ZNF569: variants seen among roughly 807,000 people sequenced by gnomAD.
ZNF569 encodes DNA-binding protein.
In ZNF569, 38 loss-of-function variants were observed where a neutral mutation model predicts 56.3. The ratio of observed to expected loss-of-function variants is 0.68; its 90% CI spans 0.52 to 0.88. The LOEUF is 0.88. Among genes scored for constraint, ZNF569 ranks in the 40% least tolerant of loss-of-function variants. The probability of loss-of-function intolerance (pLI) is 0.00; values close to 1 mark genes in which losing one functional copy is unlikely to be tolerated. For synonymous variants in ZNF569, 241 were observed against 262.9 expected, an observed-to-expected ratio of 0.92 and a Z score of 0.81; for missense variants, 666 against 809.2, an observed-to-expected ratio of 0.82 and a Z score of 2.15.
rs1015415818 is a variant in ZNF569 at position 37,411,400 on chromosome 19, C to A, written c.*1197G>T. The A allele has an allele frequency of 6.6e-6, 1 of 152,066 alleles. No homozygotes were observed. Among genetic ancestry groups the A allele is most frequent in the African/African-American group, 2.4e-5 (1 of 41,430 alleles). 9.4% of individuals were successfully genotyped at this position (152,066 alleles called of 1,614,324 possible). A position where few individuals can be genotyped will look rare whatever the true frequency, so the allele number is the denominator to read the frequency against. ...ATATAACTATAGGTAGATTTTGTTTCTAAATTCTGTATTTTATCACAGAAA... is the reference window on the plus strand; with the variant it reads ...ATATAACTATAGGTAGATTTTGTTTATAAATTCTGTATTTTATCACAGAAA... On this transcript the variant is annotated 3_prime_UTR_variant, in exon 6 of 6. Transcript: ENST00000316950.
upstream of ZNF569, chr19:37,467,691 G>C (rs1179939522): frequency 6.4e-6 from 4 of 622,754 alleles, no homozygotes; most frequent in Non-Finnish European, 1.1e-5. Flanking sequence ...TCCTGACAGC[G>C]GCTAGAAGAG....
intron 2 of ZNF569, among the ~76,000 whole-genome samples, chr19:37,463,050 C>T (rs1230367636): frequency 6.6e-6 from 1 of 152,212 alleles, no homozygotes; most frequent in African/African-American, 2.4e-5. Context: ...TAATGACACA[C>T]CCATTCAAGT....
At chr19:37,451,544 T>G (rs1339238822) in intron 2 of ZNF569, among the ~76,000 whole-genome samples, 1 of 152,132 alleles carries the variant, frequency 6.6e-6, no homozygotes, top group Non-Finnish European at 1.5e-5. Context: ...TAAAGTCTCC[T>G]ATTATATTGT....
chr19:37,430,011 G>T (rs1399435963), intron 3 of ZNF569, among the ~76,000 whole-genome samples: 2 of 152,152 alleles, frequency 1.3e-5, no homozygotes, highest in Non-Finnish European at 1.5e-5. Context: ...TGGGCAAGAT[G>T]ATGAGACCCT....
At chr19:37,458,852 G>T (rs2041714533) in intron 2 of ZNF569, among the ~76,000 whole-genome samples, 1 of 152,158 alleles carries the variant, frequency 6.6e-6, no homozygotes, top group South Asian at 2.1e-4. Flanking sequence ...CAAAAGAAAT[G>T]CTAGAAATCA....
At chr19:37,456,840 C>T (rs535622197) in intron 2 of ZNF569, among the ~76,000 whole-genome samples, 1 of 151,668 alleles carries the variant, frequency 6.6e-6, no homozygotes, top group Non-Finnish European at 1.5e-5. Flanking sequence ...TGGTGGCAGG[C>T]GCCTGTAATC....
At chr19:37,454,692 G>C (rs2041645570) in intron 2 of ZNF569, 1 of 589,848 alleles carries the variant, frequency 1.7e-6, no homozygotes, top group Non-Finnish European at 3.0e-6. Flanking sequence ...GTGCCTGTTG[G>C]GATTCCCAGA....
chr19:37,452,750 T>C (rs2041615153), intron 2 of ZNF569, among the ~76,000 whole-genome samples: 1 of 152,234 alleles, frequency 6.6e-6, no homozygotes, highest in Non-Finnish European at 1.5e-5. Flanking sequence ...CAAAATTCTG[T>C]GTTTGACTTT....
At chr19:37,468,017 C>A, upstream of ZNF569, 1 of 1,295,566 alleles carries the variant, frequency 7.7e-7, no homozygotes. Flanking sequence ...ACAGACTTGG[C>A]CTTACTAGCT....
At chr19:37,429,782 G>A (rs934721443) in intron 3 of ZNF569, among the ~76,000 whole-genome samples, 5 of 152,192 alleles carry the variant, frequency 3.3e-5, no homozygotes, top group African/African-American at 1.2e-4. Flanking sequence ...TGGCCTGGCT[G>A]AGACTTTCTC....
At chr19:37,437,302 T>A (rs1037377550) in intron 3 of ZNF569, among the ~76,000 whole-genome samples, 2 of 151,994 alleles carry the variant, frequency 1.3e-5, no homozygotes, top group African/African-American at 2.4e-5. Context: ...ATAAAAACCC[T>A]CAAAAACTGA....
intron 5 of ZNF569, among the ~76,000 whole-genome samples, chr19:37,418,058 G>A (rs772861361): frequency 4.3e-4 from 65 of 151,314 alleles, no homozygotes; most frequent in Non-Finnish European, 7.2e-4. Flanking sequence ...CCAAGATCGC[G>A]CCACTGTACT....
chr19:37,468,957 A>C (rs2041902440), upstream of ZNF569: 2 of 751,042 alleles, frequency 2.7e-6, no homozygotes, highest in Non-Finnish European at 3.2e-6. Flanking sequence ...TAGACGCGCC[A>C]CTAGCGCGTT....
chr19:37,439,458 A>T (rs2041368057), intron 3 of ZNF569, among the ~76,000 whole-genome samples: 1 of 152,212 alleles, frequency 6.6e-6, no homozygotes, highest in Non-Finnish European at 1.5e-5. Flanking sequence ...TGTTGGTGGG[A>T]ATGTAAATTA....
Position 37,422,452 on chromosome 19 carries a change from A to G in ZNF569, c.238+3416T>C, listed in dbSNP as rs184944075. Among the ~76,000 whole-genome samples the G allele has an allele frequency of 3.3e-5, 5 of 152,318 alleles. No homozygotes were observed. In the East Asian group the frequency reaches 9.7e-4, roughly 29 times the overall value. On this transcript the variant is annotated intron_variant, in intron 5 of 5. Coordinates refer to ENST00000316950, the MANE Select transcript of ZNF569 (RefSeq NM_152484.3). The stretch of plus-strand genomic sequence containing the variant: ...CAAAGATCACTGATCACAGATCCCC[A>G]TAACAGATAATAATATAATGAAAAG...
chr19:37,427,948 T>C (rs1403898303), intron 3 of ZNF569: 1 of 261,264 alleles, frequency 3.8e-6, no homozygotes, highest in African/African-American at 2.3e-5. Flanking sequence ...TTGCTGGGAC[T>C]ACCTCAGCTG....
chr19:37,455,287 T>C (rs2041654752), intron 2 of ZNF569, among the ~76,000 whole-genome samples: 1 of 152,184 alleles, frequency 6.6e-6, no homozygotes, highest in Non-Finnish European at 1.5e-5. Flanking sequence ...CGGAATTCAG[T>C]ATACTGGAGG....
intron 5 of ZNF569, among the ~76,000 whole-genome samples, chr19:37,417,112 G>T (rs1449680360): frequency 6.6e-6 from 1 of 152,154 alleles, no homozygotes; most frequent in Non-Finnish European, 1.5e-5. Flanking sequence ...AGACAGAGTA[G>T]AGTTATGCTG....
At chr19:37,438,508 T>C (rs1431862399) in intron 3 of ZNF569, among the ~76,000 whole-genome samples, 2 of 152,112 alleles carry the variant, frequency 1.3e-5, no homozygotes, top group East Asian at 1.9e-4. Flanking sequence ...CCGAGAAATA[T>C]ATTGGGGAAA....
Sources: allele counts gnomAD v4.1 joint callset (sites outside exome capture counted in the v4.1 genomes callset), GRCh38; gene constraint gnomAD v4.1.1; transcripts MANE v1.5; gene names NCBI Gene and HGNC (gene_info 2026-07-23, HGNC 2026-07-21).